Variants in INPP4B observed in about 807,000 individuals in gnomAD.
INPP4B encodes the protein inositol polyphosphate 4-phosphatase type II.
In INPP4B, 55 loss-of-function variants were observed where a neutral mutation model predicts 122.5. The observed-to-expected ratio is 0.45, with a 90% CI of 0.36 to 0.56. The LOEUF (loss-of-function observed/expected upper bound fraction) is 0.56. Among genes scored for constraint, INPP4B ranks in the 20% least tolerant of loss-of-function variants. The pLI is 0.00. For missense variants in INPP4B, 1,000 were observed against 1,097.7 expected, an observed-to-expected ratio of 0.91 and a Z score of 1.26; for synonymous variants, 403 against 388.7, an observed-to-expected ratio of 1.04 and a Z score of -0.43.
chr4:142,640,836 A>T (rs1269641083), intron 2 of INPP4B, among the ~76,000 whole-genome samples: 1 of 152,140 alleles, frequency 6.6e-6, no homozygotes, highest in Non-Finnish European at 1.5e-5. Context: ...CAAGCTCATT[A>T]ATAATCATGG....
At position 142,734,015 on chromosome 4, in the gene INPP4B, T is replaced by C. The variant is rs531855990; in HGVS notation, c.-253-8114A>G. ...GTATGTACTATAGGAAAACATTCTG[T>C]TATGGGCTCAATTGCATCCCCTCAC... On this transcript the variant is annotated intron_variant, in intron 1 of 25. Coordinates refer to ENST00000262992, the MANE Select transcript of INPP4B (RefSeq NM_001101669.3). 2.6e-5 allele frequency among the ~76,000 whole-genome samples: 4 copies of C among 152,280 alleles called. No homozygotes were observed. The South Asian group carries it at 8.3e-4, about 32-fold the overall frequency.
chr4:142,473,565 GC>G (rs1239716991), intron 2 of INPP4B: 1 of 152,552 alleles, frequency 6.6e-6, no homozygotes, highest in African/African-American at 2.4e-5. Context: ...AAAGACTTTG[GC>G]CCCAGAGCAG....
chr4:142,250,844 C>T (rs1731614558), intron 11 of INPP4B, among the ~76,000 whole-genome samples: 1 of 152,058 alleles, frequency 6.6e-6, no homozygotes, highest in Non-Finnish European at 1.5e-5. Flanking sequence ...TGGACTGCCA[C>T]CACCAAACTG....
chr4:142,107,873 A>T (rs1787939754), intron 23 of INPP4B, among the ~76,000 whole-genome samples: 1 of 152,146 alleles, frequency 6.6e-6, no homozygotes, highest in Non-Finnish European at 1.5e-5. Context: ...TTAATGTCTC[A>T]GAATGAACAG....
At chr4:142,058,070 C>T (rs1381434176) in intron 25 of INPP4B, among the ~76,000 whole-genome samples, 1 of 152,022 alleles carries the variant, frequency 6.6e-6, no homozygotes, top group Non-Finnish European at 1.5e-5. Flanking sequence ...ACCTAATGTG[C>T]CATATACTAA....
intron 2 of INPP4B, among the ~76,000 whole-genome samples, chr4:142,488,874 A>G (rs1174192503): frequency 6.6e-6 from 1 of 151,614 alleles, no homozygotes; most frequent in East Asian, 1.9e-4. Context: ...TACAGTATTT[A>G]TTATTTCTTT....
At chr4:142,338,381 G>A (rs572777448) in intron 7 of INPP4B, among the ~76,000 whole-genome samples, 40 of 151,952 alleles carry the variant, frequency 2.6e-4, no homozygotes, top group African/African-American at 7.5e-4. Context: ...GACTACAGGC[G>A]CCCGCCACCA....
At chr4:142,842,529 T>TATA (rs35407959) in intron 1 of INPP4B, among the ~76,000 whole-genome samples, 1 of 141,636 alleles carries the variant, frequency 7.1e-6, no homozygotes, top group Non-Finnish European at 1.5e-5. Context: ...ATATATTATA[T>TATA]TATAATATAT....
At chr4:142,111,587 T>C (rs1790108706) in intron 22 of INPP4B, among the ~76,000 whole-genome samples, 1 of 151,980 alleles carries the variant, frequency 6.6e-6, no homozygotes, top group South Asian at 2.1e-4. Context: ...CCTCAGGTGA[T>C]CCACCTGCCT....
At chr4:142,091,096 G>A (rs909024913) in intron 23 of INPP4B, among the ~76,000 whole-genome samples, 2 of 152,174 alleles carry the variant, frequency 1.3e-5, no homozygotes, top group Non-Finnish European at 2.9e-5. Flanking sequence ...AGGATTAAGG[G>A]TGGTAACCTG....
chr4:142,046,290 T>C (rs1274545389), intron 25 of INPP4B, among the ~76,000 whole-genome samples: 4 of 152,138 alleles, frequency 2.6e-5, no homozygotes, highest in African/African-American at 7.2e-5. Flanking sequence ...TTGTTGAGCA[T>C]ATACGATGCT....
chr4:142,784,714 T>G (rs868849423), intron 1 of INPP4B, among the ~76,000 whole-genome samples: 4 of 151,998 alleles, frequency 2.6e-5, no homozygotes, highest in Admixed American at 1.3e-4. Flanking sequence ...ACAGTAAAGA[T>G]CTGAGAAAAA....
At chr4:142,031,766 A>G (rs1412980787) in intron 25 of INPP4B, among the ~76,000 whole-genome samples, 1 of 152,136 alleles carries the variant, frequency 6.6e-6, no homozygotes, top group Non-Finnish European at 1.5e-5. Flanking sequence ...TATTTCTTCT[A>G]TTGGCTTCAA....
chr4:142,618,628 A>C (rs1345477099), intron 2 of INPP4B, among the ~76,000 whole-genome samples: 1 of 152,080 alleles, frequency 6.6e-6, no homozygotes, highest in Non-Finnish European at 1.5e-5. Flanking sequence ...CAAACTATGT[A>C]ATACTCATAA....
intron 2 of INPP4B, among the ~76,000 whole-genome samples, chr4:142,579,882 GATA>G (rs879671482): frequency 0.18 from 18,092 of 102,828 alleles, 1,218 homozygotes; most frequent in African/African-American, 0.23. Flanking sequence ...TAGGTAGGTA[GATA>G]GATAGATAGA....
At chr4:142,725,088 T>A (rs1765166312) in intron 2 of INPP4B, among the ~76,000 whole-genome samples, 1 of 152,132 alleles carries the variant, frequency 6.6e-6, no homozygotes, top group Non-Finnish European at 1.5e-5. Flanking sequence ...CAAAAATCTC[T>A]TTTGAGATAG....
At chr4:142,145,569 T>C (rs1359892320) in intron 18 of INPP4B, among the ~76,000 whole-genome samples, 1 of 152,060 alleles carries the variant, frequency 6.6e-6, no homozygotes. Flanking sequence ...GGTTAAACTA[T>C]GTCAGAGCCT....
At chr4:142,720,801 C>CTATATATATA (rs1323800095) in intron 2 of INPP4B, among the ~76,000 whole-genome samples, 5 of 22,366 alleles carry the variant, frequency 2.2e-4, no homozygotes, top group Non-Finnish European at 2.5e-4. Context: ...CTCTCTCTCT[C>CTATATATATA]TCTCTCTCTA....
At chr4:142,246,031 C>CATATATAT (rs1561601042) in intron 11 of INPP4B, among the ~76,000 whole-genome samples, 7 of 132,266 alleles carry the variant, frequency 5.3e-5, no homozygotes, top group African/African-American at 1.8e-4. Context: ...TATGTACACA[C>CATATATAT]ACGTGTGTGT....
Sources: gnomAD v4.1 joint callset for allele counts (sites outside exome capture counted in the v4.1 genomes callset) on GRCh38, gnomAD v4.1.1 for gene constraint, MANE v1.5 for transcripts, NCBI Gene and HGNC (gene_info 2026-07-23, HGNC 2026-07-21) for gene names.